CGGBP1: variants seen among roughly 807,000 people sequenced by gnomAD.
The protein encoded by CGGBP1 is CGG triplet repeat binding protein 1.
Under a neutral mutation model 11.4 loss-of-function variants are expected in CGGBP1, and 4 were observed. The ratio of observed to expected loss-of-function variants is 0.35; its 90% confidence interval spans 0.17 to 0.80. The LOEUF is 0.80. Among genes scored for constraint, CGGBP1 ranks in the 30% least tolerant of loss-of-function variants. The pLI is 0.52. For missense variants in CGGBP1, 135 were observed against 202.1 expected (o/e 0.67, Z 2.01); for synonymous variants, 76 against 74.1 (o/e 1.03, Z -0.13).
intron 2 of CGGBP1, chr3:88,135,528 A>G (rs1706723771): frequency 5.8e-6 from 1 of 172,772 alleles, no homozygotes; most frequent in Non-Finnish European, 1.2e-5. Flanking sequence ...TGGTGTATCT[A>G]TCAATAATAC....
intron 2 of CGGBP1, among the ~76,000 whole-genome samples, chr3:88,114,213 A>G (rs1288113463): frequency 1.3e-5 from 2 of 152,142 alleles, no homozygotes; most frequent in Non-Finnish European, 2.9e-5. Context: ...TTCCTTAGAG[A>G]AAAATAAAGG....
intron 2 of CGGBP1, among the ~76,000 whole-genome samples, chr3:88,105,793 A>T (rs1427189364): frequency 8.6e-5 from 13 of 151,946 alleles, no homozygotes; most frequent in Admixed American, 7.9e-4. Context: ...TCTTTTTTTC[A>T]TATCCTTTGG....
intron 2 of CGGBP1, among the ~76,000 whole-genome samples, chr3:88,104,205 T>C (rs1203530880): frequency 6.6e-6 from 1 of 152,120 alleles, no homozygotes; most frequent in Non-Finnish European, 1.5e-5. Flanking sequence ...GGACAGAAAT[T>C]TGGATGTATC....
chr3:88,060,824 G>A (rs1236955118), upstream of CGGBP1, among the ~76,000 whole-genome samples: 1 of 151,782 alleles, frequency 6.6e-6, no homozygotes, highest in African/African-American at 2.4e-5. Flanking sequence ...GGGAAAGCTT[G>A]TAAGAATTCC....
At chr3:88,075,844 G>A (rs1243662543) in intron 2 of CGGBP1, among the ~76,000 whole-genome samples, 1 of 151,962 alleles carries the variant, frequency 6.6e-6, no homozygotes, top group Admixed American at 6.6e-5. Flanking sequence ...AGTTCCAAGT[G>A]CATCAAAAAG....
At chr3:88,075,023 G>T (rs1707722808) in intron 2 of CGGBP1, among the ~76,000 whole-genome samples, 1 of 152,184 alleles carries the variant, frequency 6.6e-6, no homozygotes, top group Admixed American at 6.5e-5. Flanking sequence ...CTTCCTGAAA[G>T]TAGTATCCTA....
intron 1 of CGGBP1, among the ~76,000 whole-genome samples, chr3:88,149,559 C>T (rs1037378130): frequency 6.6e-6 from 1 of 152,258 alleles, no homozygotes; most frequent in Non-Finnish European, 1.5e-5. Context: ...AACCAAACTA[C>T]CGGCTCACCC....
At chr3:88,071,862 T>C (rs1250322898) in intron 2 of CGGBP1, among the ~76,000 whole-genome samples, 1 of 152,214 alleles carries the variant, frequency 6.6e-6, no homozygotes, top group Non-Finnish European at 1.5e-5. Context: ...CATTTTGTAC[T>C]GTACTTTTAA....
At chr3:88,134,243 C>T (rs1706635584) in intron 2 of CGGBP1, among the ~76,000 whole-genome samples, 2 of 152,072 alleles carry the variant, frequency 1.3e-5, no homozygotes, top group African/African-American at 4.8e-5. Context: ...TGTGCACCCT[C>T]ATGATGGTAA....
At chr3:88,113,181 T>A (rs1359942462) in intron 2 of CGGBP1, 1 of 1,533,460 alleles carries the variant, frequency 6.5e-7, no homozygotes. Flanking sequence ...TAAAGGATAT[T>A]CTTGGATCAT....
chr3:88,057,394 C>G (rs370761992), intron 2 of CGGBP1, 102 bp from the exon 3 acceptor site: 9 of 149,138 alleles, frequency 6.0e-5, no homozygotes, highest in African/African-American at 2.2e-4. Context: ...TTGTGTTAGG[C>G]TACAGGTTTG....
rs1019450319 is a variant in CGGBP1, at chr3:88,052,847, A to C, written c.*2626T>G. On this transcript the variant is annotated 3_prime_UTR_variant, in exon 4 of 4. Coordinates refer to ENST00000482016, the MANE Select transcript of CGGBP1 (RefSeq NM_001008390.2). Reference sequence around the variant, plus strand: ...TCAGGCTTGTTATACACCCCCACAGAATCAAGAAGAAAGCCAACAAAGAAT... The same window carrying C: ...TCAGGCTTGTTATACACCCCCACAGCATCAAGAAGAAAGCCAACAAAGAAT... 6 of 152,616 alleles carry C rather than the reference A, an allele frequency of 3.9e-5. No homozygotes were observed. The highest frequency in any genetic ancestry group is 1.4e-4 in the African/African-American group (6 of 41,448). 9.5% of individuals were successfully genotyped at this position (152,616 alleles called of 1,614,324 possible). A position where few individuals can be genotyped will look rare whatever the true frequency, so the allele number is the denominator to read the frequency against.
chr3:88,053,997 C>G lies in CGGBP1; in HGVS notation c.*1476G>C, dbSNP rs1400434396. Reference sequence around the variant, plus strand: ...CCAGTTTGACAACCTGAATTAGAAACTTAAGTCTGTAAAAAAATCTTAAGA... The same window carrying G: ...CCAGTTTGACAACCTGAATTAGAAAGTTAAGTCTGTAAAAAAATCTTAAGA... On this transcript the variant is annotated 3_prime_UTR_variant, in exon 4 of 4. Coordinates refer to ENST00000482016, the MANE Select transcript of CGGBP1 (RefSeq NM_001008390.2). The G allele has an allele frequency of 6.6e-6, 1 of 152,456 alleles. No homozygotes were observed. The highest frequency in any genetic ancestry group is 1.5e-5 in the Non-Finnish European group (1 of 67,980). The allele number at this position is 152,456 out of a possible 1,614,324, so 9.4% of individuals were successfully genotyped here. A position where few individuals can be genotyped will look rare whatever the true frequency, so the allele number is the denominator to read the frequency against.
chr3:88,126,409 G>T, intron 2 of CGGBP1: 1 of 1,023,290 alleles, frequency 9.8e-7, no homozygotes, highest in Non-Finnish European at 1.3e-6. Context: ...CATGAAAAGT[G>T]TTTGTTTTTC....
chr3:88,070,810 G>T (rs900370600), intron 2 of CGGBP1, among the ~76,000 whole-genome samples: 7 of 152,142 alleles, frequency 4.6e-5, no homozygotes, highest in African/African-American at 1.7e-4. Flanking sequence ...TTTTATGAAT[G>T]ATGCAGCTGA....
At chr3:88,100,648 T>C (rs900752957) in intron 2 of CGGBP1, among the ~76,000 whole-genome samples, 1 of 152,216 alleles carries the variant, frequency 6.6e-6, no homozygotes, top group African/African-American at 2.4e-5. Flanking sequence ...GATGAGTTCA[T>C]GTCCTTTGTA....
At chr3:88,141,056 T>G in exon 2 of CGGBP1, 1 of 1,579,280 alleles carries the variant, frequency 6.3e-7, no homozygotes, top group South Asian at 1.2e-5. Flanking sequence ...AAAGTAAGTC[T>G]TCTGTCTTCT....
intron 2 of CGGBP1, among the ~76,000 whole-genome samples, chr3:88,078,342 A>C (rs1455467069): frequency 6.6e-6 from 1 of 152,208 alleles, no homozygotes. Context: ...ATGATTTTCA[A>C]ATTGGTAACT....
At chr3:88,131,735 T>TTTAGAA (rs1194635517) in intron 2 of CGGBP1, among the ~76,000 whole-genome samples, 11 of 152,294 alleles carry the variant, frequency 7.2e-5, no homozygotes, top group Middle Eastern at 3.4e-3. Flanking sequence ...GCGTGGGTTA[T>TTTAGAA]GATGGCCTAC....
Sources: gnomAD v4.1 joint callset for allele counts (sites outside exome capture counted in the v4.1 genomes callset) on GRCh38, gnomAD v4.1.1 for gene constraint, MANE v1.5 for transcripts, NCBI Gene and HGNC (gene_info 2026-07-23, HGNC 2026-07-21) for gene names.